Variants in PLAC1 observed in about 807,000 individuals in gnomAD.
PLAC1 encodes the protein placenta-specific protein 1.
For missense variants in PLAC1, 136 were observed against 163.2 expected (o/e 0.83, Z 0.91); for synonymous variants, 68 against 62.1 (o/e 1.09, Z -0.44).
chrX:134,722,830 C>T (rs1235386365), intron 2 of PLAC1, among the ~76,000 whole-genome samples: 2 of 110,888 alleles, frequency 1.8e-5, no homozygotes, highest in African/African-American at 6.5e-5. Flanking sequence ...CAAGTTTATT[C>T]AGCCCTTAAA....
chrX:134,762,447 T>G (rs973838983), intron 1 of PLAC1, among the ~76,000 whole-genome samples: 1 of 112,195 alleles, frequency 8.9e-6, no homozygotes, highest in African/African-American at 3.2e-5. Flanking sequence ...CCTGTATACT[T>G]TTTGTATATA....
intron 2 of PLAC1, among the ~76,000 whole-genome samples, chrX:134,696,992 C>T (rs2078566517): frequency 9.4e-6 from 1 of 106,544 alleles, no homozygotes. Context: ...GAGATCGCGC[C>T]ACTGCACTCC....
At chrX:134,628,780 A>G (rs1312832418) in intron 1 of PLAC1, among the ~76,000 whole-genome samples, 1 of 111,795 alleles carries the variant, frequency 8.9e-6, no homozygotes, top group Non-Finnish European at 1.9e-5. Context: ...AATTTCCTCT[A>G]TGACCCTGGG....
At chrX:134,586,010 T>C (rs182131835) in intron 2 of PLAC1, among the ~76,000 whole-genome samples, 1 of 112,404 alleles carries the variant, frequency 8.9e-6, no homozygotes, top group African/African-American at 3.2e-5. Flanking sequence ...CATTTGAGAA[T>C]GTACCGCCAA....
At chrX:134,740,694 T>G (rs960190418) in intron 1 of PLAC1, among the ~76,000 whole-genome samples, 3 of 111,595 alleles carry the variant, frequency 2.7e-5, no homozygotes, top group Non-Finnish European at 5.6e-5. Flanking sequence ...ATTATCTGAG[T>G]GGGCCCTAAA....
chrX:134,704,711 G>T (rs2078596151), intron 2 of PLAC1, among the ~76,000 whole-genome samples: 1 of 102,884 alleles, frequency 9.7e-6, no homozygotes, highest in African/African-American at 3.5e-5. Context: ...ATATATATAT[G>T]GCTGGGCGCA....
chrX:134,710,376 C>G lies in PLAC1; in HGVS notation n.174+23059G>C, dbSNP rs145682396. 3.4e-3 allele frequency among the ~76,000 whole-genome samples: 382 copies of G among 111,863 alleles called. 1 individual carries two copies. The highest frequency in any genetic ancestry group is 0.012 in the African/African-American group (366 of 30,843). On this transcript the variant is annotated intron_variant and non_coding_transcript_variant, in intron 2 of 2. Coordinates refer to the PLAC1 transcript ENST00000466797. ...TCATAAACGACTTATGGGACTGTTACTCGGTAGAGCCACATTGGAGAGCAA... is the reference window on the plus strand; with the variant it reads ...TCATAAACGACTTATGGGACTGTTAGTCGGTAGAGCCACATTGGAGAGCAA...
chrX:134,589,033 G>A (rs1432407083), intron 2 of PLAC1, among the ~76,000 whole-genome samples: 1 of 111,645 alleles, frequency 9.0e-6, no homozygotes, highest in Middle Eastern at 4.6e-3. Context: ...GAAGTGTTCC[G>A]ACTTTGAGCA....
chrX:134,652,430 T>G (rs1458423822), intron 1 of PLAC1, among the ~76,000 whole-genome samples: 1 of 112,242 alleles, frequency 8.9e-6, no homozygotes, highest in Non-Finnish European at 1.9e-5. Context: ...AGGCAACTGC[T>G]CCCAGGTGAG....
At chrX:134,633,660 G>T (rs2078271743) in intron 1 of PLAC1, among the ~76,000 whole-genome samples, 1 of 111,226 alleles carries the variant, frequency 9.0e-6, no homozygotes, top group African/African-American at 3.3e-5. Flanking sequence ...TTCTAATACT[G>T]CCAAATACAG....
chrX:134,693,498 T>A (rs772697373), intron 2 of PLAC1, among the ~76,000 whole-genome samples: 2 of 112,199 alleles, frequency 1.8e-5, no homozygotes, highest in East Asian at 5.6e-4. Context: ...GATGCAATTA[T>A]TATCCTTATT....
chrX:134,663,827 A>G (rs2078425869), intron 2 of PLAC1, among the ~76,000 whole-genome samples: 1 of 112,148 alleles, frequency 8.9e-6, no homozygotes, highest in African/African-American at 3.2e-5. Flanking sequence ...CAACAAGGAC[A>G]TTGGTTTTTA....
chrX:134,646,003 A>G (rs930659283), intron 1 of PLAC1, among the ~76,000 whole-genome samples: 4 of 112,102 alleles, frequency 3.6e-5, no homozygotes, highest in South Asian at 7.4e-4. Flanking sequence ...TCAACTTACA[A>G]TTGTGCAAAA....
chrX:134,705,852 A>G (rs143096948), intron 2 of PLAC1, among the ~76,000 whole-genome samples: 2,572 of 112,291 alleles, frequency 0.023, 80 homozygotes, highest in African/African-American at 0.079. Context: ...ATGAAATAAA[A>G]GTAATTTTCC....
chrX:134,619,889 C>T (rs986608170), intron 1 of PLAC1, among the ~76,000 whole-genome samples: 3 of 111,768 alleles, frequency 2.7e-5, no homozygotes, highest in East Asian at 2.8e-4. Context: ...ATGGCACAGA[C>T]GACCATCATA....
intron 2 of PLAC1, among the ~76,000 whole-genome samples, chrX:134,727,061 C>T (rs748396844): frequency 9.0e-6 from 1 of 110,808 alleles, no homozygotes; most frequent in Admixed American, 9.6e-5. Context: ...TGATTACCTC[C>T]CAATTTCCTA....
chrX:134,736,572 T>C (rs1685653802), intron 1 of PLAC1, among the ~76,000 whole-genome samples: 1 of 111,281 alleles, frequency 9.0e-6, no homozygotes, highest in Admixed American at 9.5e-5. Context: ...AACAGGGTGG[T>C]CTCTGAACCC....
At chrX:134,591,875 T>C (rs144676423) in intron 2 of PLAC1, among the ~76,000 whole-genome samples, 2,172 of 112,315 alleles carry the variant, frequency 0.019, 65 homozygotes, top group African/African-American at 0.065. Context: ...ATTGAAGTAT[T>C]AATTTGCATT....
At chrX:134,587,485 C>T (rs1038100319) in intron 2 of PLAC1, among the ~76,000 whole-genome samples, 1 of 110,646 alleles carries the variant, frequency 9.0e-6, no homozygotes, top group African/African-American at 3.3e-5. Flanking sequence ...GGAGGCTGAG[C>T]TGGGAGGATC....
Sources: allele counts gnomAD v4.1 joint callset (sites outside exome capture counted in the v4.1 genomes callset), GRCh38; gene constraint gnomAD v4.1.1; transcripts MANE v1.5; gene names NCBI Gene and HGNC (gene_info 2026-07-23, HGNC 2026-07-21).